The following OTOGL variants were observed in gnomAD, a reference collection of about 807,000 sequenced individuals.
OTOGL encodes the protein otogelin-like protein.
In OTOGL, 285 loss-of-function variants were observed where a neutral mutation model predicts 318.5. The observed-to-expected ratio is 0.89, with a 90% CI of 0.81 to 0.99. The LOEUF (loss-of-function observed/expected upper bound fraction) is 0.99. OTOGL is among the 50% of genes least tolerant of loss of function. The pLI is 0.00. For missense variants in OTOGL, 2,899 were observed against 2,845.6 expected (o/e 1.02, Z -0.43); for synonymous variants, 987 against 936.5 (o/e 1.05, Z -0.99).
rs115901001 is a variant in OTOGL at position 80,346,859 on chromosome 12, G to A, written c.5265+4697G>A. ...AGATGTTAGTGCTAAGGGAGGGTGA[G>A]CATTTGTAGATGACTTCAACTTTCT... On this transcript the variant is annotated intron_variant, in intron 44 of 58. Transcript: ENST00000547103. Among the ~76,000 whole-genome samples, 516 of 152,244 alleles carry A rather than the reference G, an allele frequency of 3.4e-3. 2 individuals carry two copies. Among genetic ancestry groups the A allele is most frequent in the African/African-American group, 0.012 (483 of 41,550 alleles).
chr12:80,244,796 G>T (rs1189662362), intron 11 of OTOGL, among the ~76,000 whole-genome samples: 1 of 145,678 alleles, frequency 6.9e-6, no homozygotes, highest in Non-Finnish European at 1.5e-5. Context: ...GTGTAAAAGT[G>T]TTCCTATTTC....
intron 53 of OTOGL, among the ~76,000 whole-genome samples, chr12:80,366,866 C>T (rs1890573833): frequency 6.6e-6 from 1 of 151,456 alleles, no homozygotes; most frequent in South Asian, 2.1e-4. Context: ...TTTTCAGAGG[C>T]CTCAGAGAAT....
At position 80,347,827 on chromosome 12, in the gene OTOGL, T is replaced by C. The variant is rs377221067; in HGVS notation, c.5266-4468T>C. On this transcript the variant is annotated intron_variant, in intron 44 of 58. Transcript: ENST00000547103. ...GATTGCCATTCTAACTGGTGTGAGA[T>C]GGTATCTCATTGTGATTTTGTTTTG... Among the ~76,000 whole-genome samples, 7 of 152,334 alleles carry C rather than the reference T, an allele frequency of 4.6e-5. No individual in the cohort carries two copies. In the East Asian group the frequency reaches 1.4e-3, roughly 29 times the overall value.
intron 16 of OTOGL, among the ~76,000 whole-genome samples, 154 bp from the exon 17 acceptor site, chr12:80,256,183 A>G (rs1260405779): frequency 6.6e-6 from 1 of 152,058 alleles, no homozygotes; most frequent in African/African-American, 2.4e-5. Context: ...GCTTTTATAT[A>G]TTAGAAATTC....
chr12:80,238,799 G>T lies in OTOGL; in HGVS notation c.818-52G>T, dbSNP rs929785506. On this transcript the variant is annotated intron_variant, in intron 9 of 58. Transcript: ENST00000547103. Reference sequence around the variant, plus strand: ...AGAACCATGTCTGTTTGTGGAAAATGATATGATTACACCTATTTGTGTGTG... The same window carrying T: ...AGAACCATGTCTGTTTGTGGAAAATTATATGATTACACCTATTTGTGTGTG... The T allele has an allele frequency of 3.1e-5, 42 of 1,376,488 alleles. No individual in the cohort carries two copies. In the African/African-American group the frequency reaches 4.9e-4, roughly 16 times the overall value. 85.3% of individuals were successfully genotyped at this position (1,376,488 alleles called of 1,614,324 possible).
At chr12:80,353,199 T>C (rs926439027) in intron 45 of OTOGL, 126 bp from the exon 46 acceptor site, 2 of 634,994 alleles carry the variant, frequency 3.1e-6, no homozygotes, top group African/African-American at 3.8e-5. Flanking sequence ...AAGTGAAAAA[T>C]GGACTTTGAA....
intron 16 of OTOGL, 134 bp from the exon 17 acceptor site, chr12:80,256,203 T>C (rs1882020616): frequency 1.9e-6 from 2 of 1,059,332 alleles, no homozygotes; most frequent in Non-Finnish European, 2.6e-6. Context: ...CTAATTTATA[T>C]GCACTCTCTT....
At chr12:80,268,435 G>A (rs762857745) in intron 22 of OTOGL, among the ~76,000 whole-genome samples, 2 of 152,094 alleles carry the variant, frequency 1.3e-5, no homozygotes, top group South Asian at 2.1e-4. Flanking sequence ...AACCTGGCTC[G>A]GCAGTGCTTG....
rs551222392 is a variant in OTOGL at position 80,180,834 on chromosome 12, T to C, written c.-19-28579T>C. 7.2e-5 allele frequency among the ~76,000 whole-genome samples: 11 copies of C among 152,276 alleles called. No homozygotes were observed. In the East Asian group the frequency reaches 1.9e-3, roughly 27 times the overall value. On this transcript the variant is annotated intron_variant, in intron 1 of 58. Transcript: ENST00000547103. ...TGCCATGAGCTTGTATAAGGTTATG[T>C]ATGGGTCAATGATCCATCCCCTTTT...
intron 3 of OTOGL, 132 bp downstream of exon 3, chr12:80,211,018 TA>T: frequency 2.0e-6 from 1 of 510,054 alleles, no homozygotes; most frequent in Non-Finnish European, 3.1e-6. Flanking sequence ...AAATATACTT[TA>T]AAAAACATTT....
intron 52 of OTOGL, 107 bp from the exon 53 acceptor site, chr12:80,366,467 T>G: frequency 2.8e-6 from 1 of 361,826 alleles, no homozygotes; most frequent in Admixed American, 3.7e-5. Context: ...TGAGTATGTG[T>G]GTGTGTGTGT....
chr12:80,377,861 C>A lies in OTOGL; in HGVS notation c.6875C>A (p.Ser2292Tyr), dbSNP rs1474633778. The A allele has an allele frequency of 1.2e-6, 2 of 1,608,388 alleles. No individual in the cohort carries two copies. The highest frequency in any genetic ancestry group is 1.1e-5 in the South Asian group (1 of 90,570). The change falls in exon 59 of 59, where the codon TCT (serine) becomes TAT (tyrosine). Residue 2292 changes from serine (S) to tyrosine (Y), a missense_variant. Physicochemically the swap from Ser to Tyr is moderately radical, Grantham distance 144. Transcript: ENST00000547103. ...CACTTCTTACAGATAAATGTTGCAT[C>A]TTGTGACGGCAAATGCCCATCAGCT... ...CMSQSPINVASCDGKCPSATI... is the reference protein window; with the variant it reads ...CMSQSPINVAYCDGKCPSATI...
At chr12:80,146,420 G>T (rs1363863483) in intron 1 of OTOGL, among the ~76,000 whole-genome samples, 1 of 151,166 alleles carries the variant, frequency 6.6e-6, no homozygotes, top group Non-Finnish European at 1.5e-5. Context: ...TCTTGATCAT[G>T]GTGGATAAGC....
At chr12:80,333,484 T>C (rs781619742) in intron 38 of OTOGL, among the ~76,000 whole-genome samples, 2 of 151,828 alleles carry the variant, frequency 1.3e-5, no homozygotes, top group Non-Finnish European at 2.9e-5. Context: ...CTCCTAAGAG[T>C]TGGGCAGAGA....
At chr12:80,204,683 G>A (rs867724732) in intron 1 of OTOGL, among the ~76,000 whole-genome samples, 8 of 151,924 alleles carry the variant, frequency 5.3e-5, no homozygotes, top group East Asian at 1.9e-4. Context: ...TTGGAAGTAC[G>A]GAATTTAATA....
chr12:80,144,581 T>C (rs902352649), intron 1 of OTOGL, among the ~76,000 whole-genome samples: 79 of 151,814 alleles, frequency 5.2e-4, no homozygotes, highest in African/African-American at 1.8e-3. Flanking sequence ...AGTAATGGGA[T>C]GGCTGGGTCA....
chr12:80,141,819 T>C (rs890200264), intron 1 of OTOGL, among the ~76,000 whole-genome samples: 5 of 152,180 alleles, frequency 3.3e-5, no homozygotes, highest in Admixed American at 3.3e-4. Flanking sequence ...TAAGTATGAT[T>C]TTCTATATAG....
chr12:80,367,539 T>A, intron 53 of OTOGL, 22 bp from the exon 54 acceptor site: 1 of 1,447,332 alleles, frequency 6.9e-7, no homozygotes, highest in East Asian at 2.5e-5. Context: ...ATTTTCTTAT[T>A]GACTATGTTT....
intron 1 of OTOGL, among the ~76,000 whole-genome samples, chr12:80,135,577 G>T (rs969107887): frequency 6.6e-6 from 1 of 151,958 alleles, no homozygotes; most frequent in Admixed American, 6.6e-5. Flanking sequence ...CTGGCCTATC[G>T]AATACTTTCA....
Sources: gnomAD v4.1 joint callset for allele counts (sites outside exome capture counted in the v4.1 genomes callset) on GRCh38, gnomAD v4.1.1 for gene constraint, MANE v1.5 for transcripts, NCBI Gene and HGNC (gene_info 2026-07-23, HGNC 2026-07-21) for gene names.